Variants in SOCS7 observed in about 807,000 individuals in gnomAD.
SOCS7 encodes NAP-4.
In SOCS7, 18 loss-of-function variants were observed where a neutral mutation model predicts 58.9. The observed-to-expected ratio is 0.31, with a 90% CI of 0.21 to 0.45. SOCS7 has a LOEUF of 0.45. Among genes scored for constraint, SOCS7 ranks in the 20% least tolerant of loss-of-function variants. The pLI, the probability that SOCS7 is intolerant of heterozygous loss-of-function variation, is 1.00. For synonymous variants in SOCS7, 388 were observed against 364.3 expected (o/e 1.06, Z -0.74); for missense variants, 667 against 837.3 (o/e 0.80, Z 2.51).
chr17:38,391,995 C>G (rs1235178255), intron 7 of SOCS7, among the ~76,000 whole-genome samples: 2 of 152,120 alleles, frequency 1.3e-5, no homozygotes, highest in African/African-American at 4.8e-5. Context: ...AGGTTTGTGC[C>G]CAGGACCTCT....
At chr17:38,390,853 G>A (rs753765006) in intron 7 of SOCS7, among the ~76,000 whole-genome samples, 4 of 151,618 alleles carry the variant, frequency 2.6e-5, no homozygotes, top group Admixed American at 6.6e-5. Context: ...ACACAACCAT[G>A]CCCAGCTGAT....
At chr17:38,398,083 T>C (rs1386333276) in intron 9 of SOCS7, among the ~76,000 whole-genome samples, 1 of 152,094 alleles carries the variant, frequency 6.6e-6, no homozygotes. Flanking sequence ...GGCAGTCATA[T>C]ATTGGCGAAG....
At position 38,395,974 on chromosome 17, in the gene SOCS7, G is replaced by A; in HGVS notation, c.*6G>A. On this transcript the variant is annotated 3_prime_UTR_variant, in exon 9 of 10. Coordinates refer to ENST00000612932, the MANE Select transcript of SOCS7 (RefSeq NM_014598.4). ...AGGTGGAACCCTCCACGTAGCGAGG[G>A]GCTCCCTGCTGGTCACCACCAAGGG... 3.8e-6 allele frequency: 6 copies of A among 1,596,146 alleles called. No individual in the cohort carries two copies. The highest frequency in any genetic ancestry group is 5.1e-6 in the Non-Finnish European group (6 of 1,175,830).
rs117177630 is a variant in SOCS7 at position 38,402,833 on chromosome 17, T to C, written c.*3351T>C. ...TGATTCCTAAGTTGTGGGTGGGTGA[T>C]ATCAGTGGCCTCAGTGCCTGCATAA... On this transcript the variant is annotated 3_prime_UTR_variant, in exon 10 of 10. Transcript: ENST00000612932. The C allele has an allele frequency of 6.6e-6, 1 of 152,292 alleles. No individual in the cohort carries two copies. The highest frequency in any genetic ancestry group is 1.9e-4 in the East Asian group (1 of 5,174). The allele number at this position is 152,292 out of a possible 1,614,324, so 9.4% of individuals were successfully genotyped here. A position where few individuals can be genotyped will look rare whatever the true frequency, so the allele number is the denominator to read the frequency against.
chr17:38,357,451 TCTCA>T (rs1029548380), intron 1 of SOCS7, among the ~76,000 whole-genome samples: 42 of 152,228 alleles, frequency 2.8e-4, no homozygotes, highest in Non-Finnish European at 2.4e-4. Flanking sequence ...GTGCAGTGCT[TCTCA>T]CTCCTTAACA....
At chr17:38,387,069 G>A (rs1295098290) in intron 7 of SOCS7, among the ~76,000 whole-genome samples, 4 of 115,782 alleles carry the variant, frequency 3.5e-5, no homozygotes, top group South Asian at 2.8e-4. Flanking sequence ...GCGACAGAGC[G>A]AGACTCTTAT....
At chr17:38,359,209 C>T (rs916627082) in intron 1 of SOCS7, among the ~76,000 whole-genome samples, 7 of 152,220 alleles carry the variant, frequency 4.6e-5, no homozygotes, top group African/African-American at 1.4e-4. Context: ...ATTAACATTG[C>T]ATTCCATTCC....
In SOCS7 at chr17:38,396,002, T is replaced by C. The variant is rs202233136; in HGVS notation, c.*30+4T>C. 2.0e-5 allele frequency: 32 copies of C among 1,570,448 alleles called. No homozygotes were observed. The highest frequency in any genetic ancestry group is 2.3e-5 in the Non-Finnish European group (27 of 1,166,752). On this transcript the variant is annotated splice_donor_region_variant and intron_variant, in intron 9 of 9. Transcript: ENST00000612932. Reference sequence around the variant, plus strand: ...TCCCTGCTGGTCACCACCAAGGGTATGAGCTCTCTGCCTCACTGCCCAGCC... The same window carrying C: ...TCCCTGCTGGTCACCACCAAGGGTACGAGCTCTCTGCCTCACTGCCCAGCC...
intron 9 of SOCS7, among the ~76,000 whole-genome samples, chr17:38,396,586 A>G (rs1213744932): frequency 6.6e-6 from 1 of 152,218 alleles, no homozygotes; most frequent in African/African-American, 2.4e-5. Context: ...TAAGGAATTC[A>G]TTTATCTACG....
intron 1 of SOCS7, among the ~76,000 whole-genome samples, chr17:38,359,109 A>G (rs1006701602): frequency 4.6e-5 from 7 of 152,204 alleles, no homozygotes; most frequent in African/African-American, 1.4e-4. Context: ...TCAGGTTTCT[A>G]CTTGCTGGGT....
chr17:38,388,224 A>C (rs990905555), intron 7 of SOCS7, among the ~76,000 whole-genome samples: 1 of 151,894 alleles, frequency 6.6e-6, no homozygotes, highest in African/African-American at 2.4e-5. Context: ...CTTTATTGAG[A>C]TATAATTCAC....
intron 1 of SOCS7, among the ~76,000 whole-genome samples, chr17:38,356,563 C>T (rs190748928): frequency 6.2e-4 from 95 of 152,134 alleles, no homozygotes; most frequent in African/African-American, 2.3e-3. Flanking sequence ...CGGCGTTTCA[C>T]TGTGTTGCCC....
chr17:38,395,157 T>A, intron 7 of SOCS7, 152 bp from the exon 8 acceptor site: 1 of 665,148 alleles, frequency 1.5e-6, no homozygotes, highest in Admixed American at 3.2e-5. Flanking sequence ...GAAATGGAAA[T>A]CAACAGCACT....
intron 7 of SOCS7, among the ~76,000 whole-genome samples, chr17:38,378,614 G>A (rs1327285735): frequency 2.6e-5 from 4 of 152,158 alleles, no homozygotes; most frequent in African/African-American, 7.2e-5. Context: ...ACTTGCTGCC[G>A]AATAGTAAAT....
intron 6 of SOCS7, among the ~76,000 whole-genome samples, chr17:38,372,146 AT>A (rs1218228202): frequency 2.0e-5 from 3 of 152,196 alleles, no homozygotes; most frequent in African/African-American, 7.2e-5. Flanking sequence ...TTTTTTGGAG[AT>A]TTGTGACAAT....
chr17:38,371,201 C>T (rs1456472432), intron 6 of SOCS7, among the ~76,000 whole-genome samples: 1 of 152,054 alleles, frequency 6.6e-6, no homozygotes. Flanking sequence ...GCAGTCTCCA[C>T]CTCCTGAGTT....
intron 7 of SOCS7, among the ~76,000 whole-genome samples, chr17:38,389,018 C>T (rs867009033): frequency 1.1e-4 from 16 of 152,264 alleles, no homozygotes; most frequent in South Asian, 1.0e-3. Context: ...ATTGCTGGGT[C>T]ATATGGTAAT....
intron 9 of SOCS7, among the ~76,000 whole-genome samples, chr17:38,399,249 G>T (rs2144412543): frequency 6.6e-6 from 1 of 152,276 alleles, no homozygotes; most frequent in African/African-American, 2.4e-5. Flanking sequence ...GGGAAAGAGA[G>T]AATTTATGCA....
intron 7 of SOCS7, among the ~76,000 whole-genome samples, chr17:38,390,069 G>A (rs2038150640): frequency 6.7e-6 from 1 of 149,570 alleles, no homozygotes; most frequent in Admixed American, 6.8e-5. Context: ...TTACAGGTGT[G>A]AGCCACCGTA....
Sources: allele counts gnomAD v4.1 joint callset (sites outside exome capture counted in the v4.1 genomes callset), GRCh38; gene constraint gnomAD v4.1.1; transcripts MANE v1.5; gene names NCBI Gene and HGNC (gene_info 2026-07-23, HGNC 2026-07-21).